Variants in EREG observed in about 807,000 individuals in gnomAD.
EREG encodes the protein epiregulin, also known as proepiregulin.
EREG carries 23 observed loss-of-function variants against 22.4 expected under a neutral mutation model. The ratio of observed to expected loss-of-function variants is 1.03; its 90% confidence interval spans 0.74 to 1.46. The LOEUF is 1.46. Among genes scored for constraint, EREG ranks in the 40% most tolerant of loss-of-function variants. The probability of loss-of-function intolerance (pLI) is 0.00; values close to 1 mark genes in which losing one functional copy is unlikely to be tolerated. For missense variants in EREG, 226 were observed against 205.9 expected, an observed-to-expected ratio of 1.10 and a Z score of -0.60; for synonymous variants, 100 against 75.4, an observed-to-expected ratio of 1.33 and a Z score of -1.69.
At chr4:74,365,616 T>C (rs1334541065) in intron 1 of EREG, among the ~76,000 whole-genome samples, 2 of 151,806 alleles carry the variant, frequency 1.3e-5, no homozygotes, top group Non-Finnish European at 2.9e-5. Context: ...ATGTTATGCA[T>C]GGATTGAAAT....
intron 2 of EREG, among the ~76,000 whole-genome samples, chr4:74,380,393 C>T (rs767248433): frequency 2.0e-5 from 3 of 151,994 alleles, no homozygotes; most frequent in Non-Finnish European, 4.4e-5. Context: ...GAATTTTACA[C>T]AAAGGCTCCT....
At chr4:74,370,688 C>G (rs527239239) in intron 1 of EREG, among the ~76,000 whole-genome samples, 5 of 152,038 alleles carry the variant, frequency 3.3e-5, no homozygotes, top group African/African-American at 1.2e-4. Context: ...AGAGGGGTTA[C>G]TGAGCTATGA....
chr4:74,370,070 C>T (rs577319418), intron 1 of EREG, among the ~76,000 whole-genome samples: 27 of 152,268 alleles, frequency 1.8e-4, no homozygotes, highest in African/African-American at 6.3e-4. Context: ...GGTTTGAATA[C>T]GCTTGTATCC....
At chr4:74,374,058 T>C (rs141279813) in intron 1 of EREG, among the ~76,000 whole-genome samples, 52 of 152,300 alleles carry the variant, frequency 3.4e-4, no homozygotes, top group African/African-American at 1.3e-3. Flanking sequence ...TAGGTTGGCA[T>C]GTGACCACAG....
intron 3 of EREG, chr4:74,382,437 T>C (rs748294291): frequency 3.3e-5 from 15 of 450,532 alleles, no homozygotes; most frequent in Non-Finnish European, 5.1e-5. Flanking sequence ...ACAACCGTCA[T>C]TTTAATACTA....
chr4:74,375,937 G>A (rs1365810150), intron 1 of EREG, among the ~76,000 whole-genome samples: 1 of 152,138 alleles, frequency 6.6e-6, no homozygotes, highest in Non-Finnish European at 1.5e-5. Context: ...TCCTGCTGTA[G>A]GATTAATGCA....
intron 1 of EREG, among the ~76,000 whole-genome samples, chr4:74,365,869 G>A (rs958281509): frequency 1.3e-5 from 2 of 152,112 alleles, no homozygotes; most frequent in Non-Finnish European, 2.9e-5. Flanking sequence ...TTTCCCGGAG[G>A]AGCTGGTATG....
chr4:74,369,124 T>C (rs72654896), intron 1 of EREG, among the ~76,000 whole-genome samples: 2,233 of 152,322 alleles, frequency 0.015, 26 homozygotes, highest in Middle Eastern at 0.024. Context: ...AGACTCTTAA[T>C]ATATAGGTTT....
chr4:74,370,960 A>C (rs112497973), intron 1 of EREG, among the ~76,000 whole-genome samples: 3,299 of 152,292 alleles, frequency 0.022, 120 homozygotes, highest in African/African-American at 0.075. Flanking sequence ...ATTAGGGACT[A>C]AATAATTCTT....
intron 3 of EREG, chr4:74,381,958 C>T (rs1752483317): frequency 8.7e-6 from 1 of 114,674 alleles, no homozygotes; most frequent in Non-Finnish European, 1.7e-5. Context: ...GTACTCCAGC[C>T]TGGGCAACAC....
intron 1 of EREG, among the ~76,000 whole-genome samples, chr4:74,369,056 T>C (rs748586590): frequency 3.9e-5 from 6 of 152,214 alleles, no homozygotes; most frequent in Non-Finnish European, 8.8e-5. Flanking sequence ...CTATTTATAA[T>C]ACTCAGGATG....
intron 4 of EREG, among the ~76,000 whole-genome samples, chr4:74,383,489 T>G (rs1363781482): frequency 6.6e-6 from 1 of 152,146 alleles, no homozygotes; most frequent in Non-Finnish European, 1.5e-5. Flanking sequence ...CATCCTCATG[T>G]GCATTATTGT....
intron 1 of EREG, among the ~76,000 whole-genome samples, chr4:74,377,191 C>T (rs928899703): frequency 1.3e-5 from 2 of 151,194 alleles, no homozygotes; most frequent in Non-Finnish European, 2.9e-5. Flanking sequence ...GTTTATTTCA[C>T]TGTATTCTCC....
rs1752538739 is a variant in EREG, at chr4:74,384,656, T to A, written c.429-71T>A. 16 of 809,040 alleles carry A rather than the reference T, an allele frequency of 2.0e-5. No individual in the cohort carries two copies. The South Asian group carries it at 2.5e-4, about 13-fold the overall frequency. 50.1% of individuals were successfully genotyped at this position (809,040 alleles called of 1,614,324 possible). A position where few individuals can be genotyped will look rare whatever the true frequency, so the allele number is the denominator to read the frequency against. On this transcript the variant is annotated intron_variant, in intron 4 of 4. Transcript: ENST00000244869. ...ACACTATGCTAATGTGCCTTTGGAG[T>A]CCATATATAACACACTTGTTCCTTT...
At chr4:74,382,499 C>A (rs369622225) in intron 3 of EREG, 146 bp from the exon 4 acceptor site, 1 of 603,640 alleles carries the variant, frequency 1.7e-6, no homozygotes, top group Admixed American at 3.1e-5. Context: ...TGGTCTAACT[C>A]AATCTTTGAA....
intron 2 of EREG, among the ~76,000 whole-genome samples, chr4:74,380,704 T>G (rs1268707105): frequency 2.0e-5 from 3 of 152,216 alleles, no homozygotes; most frequent in Admixed American, 1.3e-4. Context: ...TAACACCCAC[T>G]TGGAGGATAA....
At chr4:74,374,447 A>C (rs1752344064) in intron 1 of EREG, among the ~76,000 whole-genome samples, 1 of 152,156 alleles carries the variant, frequency 6.6e-6, no homozygotes, top group South Asian at 2.1e-4. Context: ...CCAACATGGG[A>C]GGATCATTGA....
At chr4:74,375,969 C>A (rs897031187) in intron 1 of EREG, among the ~76,000 whole-genome samples, 24 of 152,114 alleles carry the variant, frequency 1.6e-4, no homozygotes, top group Non-Finnish European at 3.1e-4. Flanking sequence ...AGAAACTATC[C>A]TGAGCGATGG....
At chr4:74,381,194 G>A in intron 3 of EREG, 57 bp downstream of exon 3, 1 of 1,494,746 alleles carries the variant, frequency 6.7e-7, no homozygotes, top group Admixed American at 1.8e-5. Flanking sequence ...ATAGATTTAG[G>A]GGTACAAGTG....
Sources: gnomAD v4.1 joint callset for allele counts (sites outside exome capture counted in the v4.1 genomes callset) on GRCh38, gnomAD v4.1.1 for gene constraint, MANE v1.5 for transcripts, NCBI Gene and HGNC (gene_info 2026-07-23, HGNC 2026-07-21) for gene names.